Variants in LRMDA observed in about 807,000 individuals in gnomAD.
The protein encoded by LRMDA is leucine rich melanocyte differentiation associated.
A neutral mutation model predicts 29.8 loss-of-function variants in LRMDA; 18 were observed. The ratio of observed to expected loss-of-function variants is 0.60; its 90% confidence interval spans 0.42 to 0.90. The LOEUF (loss-of-function observed/expected upper bound fraction) is 0.90. LRMDA is among the 40% of genes least tolerant of loss of function. LRMDA has a pLI of 0.00. For synonymous variants in LRMDA, 125 were observed against 109.4 expected (o/e 1.14, Z -0.89); for missense variants, 273 against 273.9 (o/e 1.00, Z 0.02).
At chr10:75,891,640 A>T (rs1241203728) in intron 2 of LRMDA, among the ~76,000 whole-genome samples, 1 of 152,116 alleles carries the variant, frequency 6.6e-6, no homozygotes, top group Non-Finnish European at 1.5e-5. Flanking sequence ...GCTTTGACAT[A>T]ATTTGACTTG....
rs533775964 is a variant in LRMDA at position 75,968,251 on chromosome 10, G to A, written c.132-67757G>A. Reference sequence around the variant, plus strand: ...GTAAGGACAGAGGGACCCTTCCGGAGGAGTGGCTGCTCATAGAAGTTGTGG... The same window carrying A: ...GTAAGGACAGAGGGACCCTTCCGGAAGAGTGGCTGCTCATAGAAGTTGTGG... On this transcript the variant is annotated intron_variant, in intron 2 of 6. Transcript: ENST00000611255. 4.6e-5 allele frequency among the ~76,000 whole-genome samples: 7 copies of A among 152,220 alleles called. No homozygotes were observed. The South Asian group carries it at 1.5e-3, about 32-fold the overall frequency.
intron 5 of LRMDA, among the ~76,000 whole-genome samples, chr10:76,071,518 C>T (rs1178629552): frequency 6.6e-6 from 1 of 152,226 alleles, no homozygotes; most frequent in Non-Finnish European, 1.5e-5. Flanking sequence ...AGCCTCTACA[C>T]TTTTAGATGC....
intron 2 of LRMDA, among the ~76,000 whole-genome samples, chr10:75,976,338 C>T (rs1417653964): frequency 2.6e-5 from 4 of 152,252 alleles, no homozygotes; most frequent in Admixed American, 2.6e-4. Context: ...TCTTTTAGGT[C>T]TCAACTCAAA....
At chr10:75,864,396 T>A (rs1844985777) in intron 2 of LRMDA, among the ~76,000 whole-genome samples, 1 of 152,090 alleles carries the variant, frequency 6.6e-6, no homozygotes, top group South Asian at 2.1e-4. Flanking sequence ...TGAGTGTGAG[T>A]CCTAACCCTT....
chr10:75,683,476 A>G (rs1237017139), intron 2 of LRMDA, among the ~76,000 whole-genome samples: 2 of 152,260 alleles, frequency 1.3e-5, no homozygotes, highest in East Asian at 3.8e-4. Context: ...CACTCAGTAC[A>G]GTATTAAATT....
intron 2 of LRMDA, among the ~76,000 whole-genome samples, chr10:75,819,834 T>C (rs976766505): frequency 6.6e-6 from 1 of 152,200 alleles, no homozygotes; most frequent in East Asian, 1.9e-4. Flanking sequence ...CTAGTAGCCA[T>C]ATGTGACTAT....
At chr10:76,527,267 A>T (rs1156323645) in intron 6 of LRMDA, among the ~76,000 whole-genome samples, 1 of 152,066 alleles carries the variant, frequency 6.6e-6, no homozygotes, top group African/African-American at 2.4e-5. Flanking sequence ...TGCCTCTTTG[A>T]TAATTAAGTA....
intron 2 of LRMDA, among the ~76,000 whole-genome samples, chr10:75,929,536 A>G (rs1248803595): frequency 1.3e-5 from 2 of 152,172 alleles, no homozygotes; most frequent in Non-Finnish European, 2.9e-5. Context: ...CATGGCTAAC[A>G]GTTTGCAGAG....
intron 2 of LRMDA, among the ~76,000 whole-genome samples, chr10:75,740,899 T>G (rs1054292359): frequency 6.6e-6 from 1 of 152,194 alleles, no homozygotes; most frequent in Admixed American, 6.5e-5. Flanking sequence ...TGTACTCTTT[T>G]AGAAGCCTGT....
intron 2 of LRMDA, among the ~76,000 whole-genome samples, chr10:76,024,085 T>C (rs1327298798): frequency 6.6e-6 from 1 of 152,200 alleles, no homozygotes; most frequent in Non-Finnish European, 1.5e-5. Flanking sequence ...CATGACTCAA[T>C]GGAGTGGTCT....
At chr10:76,446,423 T>C (rs1842354573) in intron 6 of LRMDA, among the ~76,000 whole-genome samples, 1 of 152,220 alleles carries the variant, frequency 6.6e-6, no homozygotes, top group South Asian at 2.1e-4. Flanking sequence ...TAATTGTGTC[T>C]GTACTGAACA....
intron 2 of LRMDA, among the ~76,000 whole-genome samples, chr10:75,670,475 C>T (rs930285281): frequency 3.3e-5 from 5 of 152,044 alleles, no homozygotes; most frequent in African/African-American, 1.2e-4. Context: ...CTAGGTTCTG[C>T]AGAGAAATTG....
At chr10:75,656,781 A>G (rs1422915672) in intron 2 of LRMDA, among the ~76,000 whole-genome samples, 2 of 152,238 alleles carry the variant, frequency 1.3e-5, no homozygotes, top group East Asian at 1.9e-4. Flanking sequence ...ACTTAAATTT[A>G]TATATCACCA....
intron 2 of LRMDA, among the ~76,000 whole-genome samples, chr10:75,806,660 G>A (rs1371795482): frequency 3.5e-5 from 5 of 143,456 alleles, no homozygotes; most frequent in Non-Finnish European, 6.0e-5. Context: ...TTCCATTCTT[G>A]ACAAGTGGTT....
At chr10:76,475,990 G>C (rs1366122549) in intron 6 of LRMDA, among the ~76,000 whole-genome samples, 4 of 151,990 alleles carry the variant, frequency 2.6e-5, no homozygotes, top group African/African-American at 7.2e-5. Flanking sequence ...ATTAAAAGAA[G>C]TAGAGAAGCA....
At chr10:76,169,168 T>C (rs1005929388) in intron 5 of LRMDA, among the ~76,000 whole-genome samples, 1 of 152,204 alleles carries the variant, frequency 6.6e-6, no homozygotes, top group Non-Finnish European at 1.5e-5. Flanking sequence ...GCACAGCAAT[T>C]AGATTGAATC....
At chr10:76,165,624 G>A (rs1291486790) in intron 5 of LRMDA, among the ~76,000 whole-genome samples, 1 of 152,182 alleles carries the variant, frequency 6.6e-6, no homozygotes. Context: ...GGAAGACTCA[G>A]GAAACCTACC....
chr10:76,100,425 C>T (rs1423004085), intron 5 of LRMDA, among the ~76,000 whole-genome samples: 1 of 152,246 alleles, frequency 6.6e-6, no homozygotes, highest in African/African-American at 2.4e-5. Context: ...GGCCAGGCTC[C>T]TCCCCACCTC....
At chr10:75,496,088 G>A (rs907478503) in intron 2 of LRMDA, among the ~76,000 whole-genome samples, 2 of 152,194 alleles carry the variant, frequency 1.3e-5, no homozygotes, top group Admixed American at 6.5e-5. Context: ...TTGCATTCTG[G>A]AATGTTTGTA....
Sources: allele counts gnomAD v4.1 joint callset (sites outside exome capture counted in the v4.1 genomes callset), GRCh38; gene constraint gnomAD v4.1.1; transcripts MANE v1.5; gene names NCBI Gene and HGNC (gene_info 2026-07-23, HGNC 2026-07-21).